The following HBS1L variants were observed in gnomAD, a reference collection of about 807,000 sequenced individuals.
HBS1L encodes the protein HBS1-like protein.
HBS1L carries 55 observed loss-of-function variants against 88.9 expected under a neutral mutation model. The ratio of observed to expected loss-of-function variants is 0.62; its 90% CI spans 0.50 to 0.77. The LOEUF (loss-of-function observed/expected upper bound fraction) is 0.77, where lower values mean the gene tolerates loss of function less well. Among genes scored for constraint, HBS1L ranks in the 30% least tolerant of loss-of-function variants. The pLI is 0.00. For synonymous variants in HBS1L, 267 were observed against 288.5 expected (o/e 0.93, Z 0.76); for missense variants, 741 against 829.3 (o/e 0.89, Z 1.31).
chr6:134,986,130 G>C lies in HBS1L; in HGVS notation c.1359C>G (p.Ile453Met). ...TGAGTTCACTTGACTGAGATCTTGT[G>C]ATTAGATTTTCACCACTGAGACCAC... ...PTSGLSGENL[I>M]TRSQSSELTK... The change falls in exon 11 of 18, where the codon ATC (isoleucine) becomes ATG (methionine). Residue 453 changes from isoleucine to methionine, a missense_variant. Around this residue, in one of 3 missense-constraint regions of HBS1L, gnomAD observed 556 missense variants for 598.4 expected, o/e 0.93. Transcript: ENST00000367837. 2 of 1,603,138 alleles carry C rather than the reference G, an allele frequency of 1.2e-6. No homozygotes were observed. The highest frequency in any genetic ancestry group is 8.5e-7 in the Non-Finnish European group (1 of 1,171,062).
At chr6:135,040,650 G>A (rs1156690906) in intron 3 of HBS1L, among the ~76,000 whole-genome samples, 8 of 151,570 alleles carry the variant, frequency 5.3e-5, no homozygotes, top group Admixed American at 1.3e-4. Context: ...GTGCCCAGCC[G>A]GCATTCACTT....
chr6:135,041,471 C>G (rs1045705193), intron 3 of HBS1L, among the ~76,000 whole-genome samples: 2 of 151,838 alleles, frequency 1.3e-5, no homozygotes, highest in Non-Finnish European at 2.9e-5. Flanking sequence ...TATGCAAAAA[C>G]TCAGAACCGA....
chr6:135,023,688 A>G (rs997460837), intron 4 of HBS1L, among the ~76,000 whole-genome samples: 6 of 152,224 alleles, frequency 3.9e-5, no homozygotes, highest in South Asian at 4.1e-4. Context: ...AAAATGATAT[A>G]TAACAGGTTT....
At chr6:135,028,516 ATGCT>A (rs1776299363) in intron 4 of HBS1L, among the ~76,000 whole-genome samples, 1 of 152,190 alleles carries the variant, frequency 6.6e-6, no homozygotes, top group East Asian at 1.9e-4. Flanking sequence ...AATCATTTCA[ATGCT>A]ACTGAATTAT....
chr6:134,995,863 T>G lies in HBS1L; in HGVS notation c.965+914A>C, dbSNP rs1226788154. Among the ~76,000 whole-genome samples, 4 of 152,020 alleles carry G rather than the reference T, an allele frequency of 2.6e-5. No individual in the cohort carries two copies. The East Asian group carries it at 7.7e-4, about 29-fold the overall frequency. On this transcript the variant is annotated intron_variant, in intron 7 of 17. Transcript: ENST00000367837. ...AAAGAGAAACCATTATGATACAAAT[T>G]CTGGTTTATCAGAAGAGCTAAGGAA...
intron 4 of HBS1L, among the ~76,000 whole-genome samples, chr6:135,031,026 CAGTTTTGTACTTTTTGTTGGT>C (rs1161140067): frequency 6.6e-6 from 1 of 151,944 alleles, no homozygotes; most frequent in Non-Finnish European, 1.5e-5. Flanking sequence ...GCATTTTTTC[CAGTTTTGTACTTTTTGTTGGT>C]AATTTTGTAC....
intron 4 of HBS1L, 38 bp from the exon 5 acceptor site, chr6:135,002,880 C>A (rs1279441134): frequency 2.4e-6 from 3 of 1,236,462 alleles, no homozygotes; most frequent in Admixed American, 3.5e-5. Flanking sequence ...CAATTAATTT[C>A]TTTAGTAATA....
chr6:135,002,855 TAA>T lies in HBS1L; in HGVS notation c.431-15_431-14del. 6.5e-7 allele frequency: 1 copy of T among 1,529,688 alleles called. No individual in the cohort carries two copies. Among genetic ancestry groups the T allele is most frequent in the Non-Finnish European group, 9.1e-7 (1 of 1,104,338 alleles). 94.8% of individuals were successfully genotyped at this position (1,529,688 alleles called of 1,614,324 possible). On this transcript the variant is annotated splice_polypyrimidine_tract_variant and intron_variant, in intron 4 of 17. Coordinates refer to ENST00000367837, the MANE Select transcript of HBS1L (RefSeq NM_006620.4). ...TCTACTGGTTTTCCTAGTTAAGGAG[TAA>T]AATATAAAAGGCCAATTAATTTCTT... is the stretch of plus-strand genomic sequence containing the variant.
At chr6:134,977,572 T>G (rs1228277080) in intron 15 of HBS1L, among the ~76,000 whole-genome samples, 1 of 152,026 alleles carries the variant, frequency 6.6e-6, no homozygotes, top group Non-Finnish European at 1.5e-5. Context: ...TACCTTAAAA[T>G]ATAATTTTAC....
intron 4 of HBS1L, among the ~76,000 whole-genome samples, chr6:135,034,333 C>T (rs536205174): frequency 6.6e-6 from 1 of 152,252 alleles, no homozygotes; most frequent in Admixed American, 6.5e-5. Context: ...AAAAGACCAG[C>T]CTTTTCATTT....
intron 3 of HBS1L, among the ~76,000 whole-genome samples, chr6:135,040,344 C>CCTT (rs1365916364): frequency 9.1e-5 from 10 of 110,064 alleles, no homozygotes; most frequent in African/African-American, 3.2e-4. Context: ...GATAGGCATT[C>CCTT]TTTTTTTTTT....
chr6:135,036,700 G>A (rs370061226), intron 4 of HBS1L: 111 of 1,551,364 alleles, frequency 7.2e-5, no homozygotes, highest in South Asian at 1.9e-4. Flanking sequence ...ATAAAGAAAA[G>A]TCTTATAGAG....
intron 4 of HBS1L, among the ~76,000 whole-genome samples, chr6:135,029,407 T>TA (rs1176841838): frequency 1.3e-5 from 2 of 151,264 alleles, no homozygotes; most frequent in East Asian, 1.9e-4. Context: ...ACATACACCT[T>TA]AAAAAATCAT....
intron 4 of HBS1L, among the ~76,000 whole-genome samples, chr6:135,014,511 G>A (rs1223066468): frequency 2.0e-5 from 3 of 152,164 alleles, no homozygotes; most frequent in Non-Finnish European, 4.4e-5. Flanking sequence ...TAAGTTTCTA[G>A]GAGACCACAA....
chr6:135,051,536 TTCCAGC>T (rs1333785530), intron 1 of HBS1L, among the ~76,000 whole-genome samples: 3 of 152,130 alleles, frequency 2.0e-5, no homozygotes, highest in African/African-American at 7.3e-5. Context: ...CTAGTTAAGG[TTCCAGC>T]TCAAATGTCT....
chr6:134,972,155 C>T lies in HBS1L; in HGVS notation c.1798-2817G>A, dbSNP rs1172849292. On this transcript the variant is annotated intron_variant, in intron 15 of 17. Coordinates refer to ENST00000367837, the MANE Select transcript of HBS1L (RefSeq NM_006620.4). ...TGCTCTAAAGGGTTTCAGGTAAAGG[C>T]TGGGATTCTATTCTTCGTGTAGGGT... Among the ~76,000 whole-genome samples, 3 of 152,194 alleles carry T rather than the reference C, an allele frequency of 2.0e-5. No homozygotes were observed. The South Asian group carries it at 6.2e-4, about 32-fold the overall frequency.
In HBS1L at chr6:134,985,353, C is replaced by T. The variant is rs767321403; in HGVS notation, c.1480G>A (p.Asp494Asn). ...IDKPFRLCVSDVFKDQGSGFC... is the reference protein window; with the variant it reads ...IDKPFRLCVSNVFKDQGSGFC... ...AGGTAGCACTTACCTTTGAAAACAT[C>T]GGACACACATAATCTAAAAGGTTTG... The change falls in exon 12 of 18, where the codon GAT (aspartate) becomes AAT (asparagine). Residue 494 changes from aspartate to asparagine, a missense_variant. This residue lies in a region of HBS1L where 556 missense variants were observed against 598.4 expected (regional missense o/e 0.93). Coordinates refer to ENST00000367837, the MANE Select transcript of HBS1L (RefSeq NM_006620.4). 160 of 1,603,588 alleles carry T rather than the reference C, an allele frequency of 1.0e-4. No homozygotes were observed. The highest frequency in any genetic ancestry group is 1.2e-4 in the Non-Finnish European group (141 of 1,174,752).
chr6:135,037,708 A>G, intron 4 of HBS1L: 1 of 1,551,090 alleles, frequency 6.4e-7, no homozygotes, highest in Non-Finnish European at 8.7e-7. Context: ...CAGACTTTCC[A>G]GACTGTCTGT....
At chr6:134,988,127 G>T (rs755964617) in intron 8 of HBS1L, among the ~76,000 whole-genome samples, 3 of 152,144 alleles carry the variant, frequency 2.0e-5, no homozygotes, top group Non-Finnish European at 4.4e-5. Context: ...ACTTTGGGAG[G>T]TCAAGGCAGG....
Sources: gnomAD v4.1 joint callset for allele counts (sites outside exome capture counted in the v4.1 genomes callset) on GRCh38, gnomAD v4.1.1 for gene constraint, gnomAD v4.1.1 regional missense constraint, MANE v1.5 for transcripts, NCBI Gene and HGNC (gene_info 2026-07-23, HGNC 2026-07-21) for gene names.